SHANK2: variants seen among roughly 807,000 people sequenced by gnomAD.
SHANK2 encodes the protein SH3 and multiple ankyrin repeat domains protein 2.
SHANK2 carries 43 observed loss-of-function variants against 133.7 expected under a neutral mutation model. The ratio of observed to expected loss-of-function variants is 0.32; its 90% CI spans 0.25 to 0.41. The LOEUF (loss-of-function observed/expected upper bound fraction) is 0.41. SHANK2 is among the 10% of genes least tolerant of loss of function. The probability of loss-of-function intolerance (pLI) is 1.00; values close to 1 mark genes in which losing one functional copy is unlikely to be tolerated. For synonymous variants in SHANK2, 1,017 were observed against 952.8 expected (o/e 1.07, Z -1.24); for missense variants, 1,994 against 2,235.8 (o/e 0.89, Z 2.18).
chr11:70,900,295 A>G (rs1950004913), intron 10 of SHANK2, among the ~76,000 whole-genome samples: 1 of 152,104 alleles, frequency 6.6e-6, no homozygotes, highest in East Asian at 1.9e-4. Context: ...TGGAGACTGC[A>G]GTGAGCCAAG....
At chr11:70,795,836 G>A (rs1255732071) in intron 14 of SHANK2, among the ~76,000 whole-genome samples, 1 of 152,234 alleles carries the variant, frequency 6.6e-6, no homozygotes, top group Non-Finnish European at 1.5e-5. Flanking sequence ...AGCCAAGGAT[G>A]TCGGAAAGGC....
intron 17 of SHANK2, chr11:70,604,587 G>A (rs185992176): frequency 2.0e-5 from 3 of 152,370 alleles, no homozygotes; most frequent in Admixed American, 1.3e-4. Flanking sequence ...TTGCTGTGTA[G>A]AGACAATGAG....
At chr11:70,585,639 C>T (rs1565153005) in intron 17 of SHANK2, among the ~76,000 whole-genome samples, 1 of 151,954 alleles carries the variant, frequency 6.6e-6, no homozygotes, top group South Asian at 2.1e-4. Context: ...ATGTATCCAT[C>T]TACCCATCTA....
In SHANK2 at chr11:70,485,549, G is replaced by C. The variant is rs782217541; in HGVS notation, c.4744C>G (p.Pro1582Ala). The change falls in exon 25 of 26, where the codon CCC (proline) becomes GCC (alanine). Residue 1582 changes from proline (P) to alanine (A), a missense_variant. Pro to Ala is a conservative substitution (Grantham distance 27, BLOSUM62 -1). Around this residue, in one of 5 missense-constraint regions of SHANK2, gnomAD observed 797 missense variants for 907.4 expected, o/e 0.88. Transcript: ENST00000601538. This position sits in a 1 kb window ranked among gnomAD's most constrained non-coding sequence, Gnocchi z 5.8. Reference sequence around the variant, plus strand: ...TGGGCACTGCCCGGCGGGGGCGGGGGAGCGGGCGGGGGGATAACAAAGCTA... The same window carrying C: ...TGGGCACTGCCCGGCGGGGGCGGGGCAGCGGGCGGGGGGATAACAAAGCTA... The part of the protein sequence containing the change: ...VDSFVIPPPA[P>A]PPPPGSAQPG... 1.9e-6 allele frequency: 3 copies of C among 1,612,862 alleles called. No individual in the cohort carries two copies. The highest frequency in any genetic ancestry group is 2.5e-6 in the Non-Finnish European group (3 of 1,179,986).
chr11:70,765,715 G>C (rs1217195678), intron 14 of SHANK2, among the ~76,000 whole-genome samples: 2 of 152,172 alleles, frequency 1.3e-5, no homozygotes, highest in East Asian at 1.9e-4. Context: ...GAGAGACCCA[G>C]GGTGGCTGGT....
chr11:71,068,841 C>A (rs1370450492), intron 9 of SHANK2, among the ~76,000 whole-genome samples: 2 of 152,134 alleles, frequency 1.3e-5, no homozygotes, highest in African/African-American at 4.8e-5. Flanking sequence ...TCAGCACCAT[C>A]GCTGTCACCA....
intron 2 of SHANK2, among the ~76,000 whole-genome samples, chr11:71,187,455 T>C (rs1421192760): frequency 2.0e-5 from 3 of 152,138 alleles, no homozygotes; most frequent in Non-Finnish European, 4.4e-5. Flanking sequence ...TCGTGTTTTA[T>C]TCAGGACACT....
At chr11:70,716,982 A>G (rs1166183573) in intron 14 of SHANK2, among the ~76,000 whole-genome samples, 1 of 148,052 alleles carries the variant, frequency 6.8e-6, no homozygotes, top group African/African-American at 2.5e-5. Context: ...AGTTGGTGAG[A>G]AGCTACTGGA....
chr11:70,745,670 T>A (rs1555035861), intron 14 of SHANK2, among the ~76,000 whole-genome samples: 1 of 152,154 alleles, frequency 6.6e-6, no homozygotes, highest in African/African-American at 2.4e-5. Flanking sequence ...TGGGTAGAGC[T>A]GCTTGGAGCT....
intron 11 of SHANK2, among the ~76,000 whole-genome samples, chr11:70,821,877 G>A (rs1214959118): frequency 6.6e-6 from 1 of 152,202 alleles, no homozygotes; most frequent in African/African-American, 2.4e-5. Flanking sequence ...TGAGGAAGCA[G>A]GGGCTGGGCA....
chr11:70,684,023 A>T (rs1294869663), intron 15 of SHANK2, among the ~76,000 whole-genome samples: 1 of 151,942 alleles, frequency 6.6e-6, no homozygotes, highest in Non-Finnish European at 1.5e-5. Flanking sequence ...GCCTCAAGTG[A>T]TCCACCTGCC....
chr11:70,500,426 G>T lies in SHANK2; in HGVS notation c.2308+144C>A. On this transcript the variant is annotated intron_variant, in intron 21 of 25. Transcript: ENST00000601538. This position sits in a 1 kb window ranked among gnomAD's most constrained non-coding sequence, Gnocchi z 4.5. Reference sequence around the variant, plus strand: ...AGACAGATGAATGTGCTCCAGGGCGGCAGGGCTCCTCGGGCAGGACCCAGC... The same window carrying T: ...AGACAGATGAATGTGCTCCAGGGCGTCAGGGCTCCTCGGGCAGGACCCAGC... The T allele has an allele frequency of 9.4e-7, 1 of 1,060,680 alleles. No homozygotes were observed. Among genetic ancestry groups the T allele is most frequent in the Non-Finnish European group, 1.4e-6 (1 of 707,184 alleles). 65.7% of individuals were successfully genotyped at this position (1,060,680 alleles called of 1,614,324 possible).
chr11:71,241,496 C>A (rs2135808353), intron 1 of SHANK2, among the ~76,000 whole-genome samples: 1 of 152,296 alleles, frequency 6.6e-6, no homozygotes, highest in African/African-American at 2.4e-5. Flanking sequence ...TGACCCATTG[C>A]ACAATCAGCC....
At chr11:70,851,651 C>T (rs1302157219) in intron 11 of SHANK2, among the ~76,000 whole-genome samples, 4 of 152,194 alleles carry the variant, frequency 2.6e-5, no homozygotes. Flanking sequence ...TATGGACCAC[C>T]TAGCTGGACT....
chr11:71,108,512 C>T (rs1951835601), intron 6 of SHANK2, among the ~76,000 whole-genome samples: 1 of 152,208 alleles, frequency 6.6e-6, no homozygotes, highest in Admixed American at 6.5e-5. Context: ...CCCCTCTCCC[C>T]TTCTCCAGAT....
chr11:70,795,350 G>A (rs1284921931), intron 14 of SHANK2, among the ~76,000 whole-genome samples: 1 of 151,920 alleles, frequency 6.6e-6, no homozygotes, highest in Admixed American at 6.6e-5. Context: ...GATTAGCAAG[G>A]TGGGCCCATC....
chr11:70,650,646 A>G (rs1555009883), intron 17 of SHANK2, among the ~76,000 whole-genome samples: 1 of 151,824 alleles, frequency 6.6e-6, no homozygotes, highest in Non-Finnish European at 1.5e-5. Flanking sequence ...GCATCTGATC[A>G]CTCCCCAAAT....
At chr11:71,077,613 T>A (rs1454328352) in intron 8 of SHANK2, among the ~76,000 whole-genome samples, 2 of 151,800 alleles carry the variant, frequency 1.3e-5, no homozygotes, top group African/African-American at 4.9e-5. Flanking sequence ...TTTTTTTTTT[T>A]AAGTGTCATT....
chr11:70,509,253 C>T (rs2059170258), intron 17 of SHANK2, among the ~76,000 whole-genome samples: 1 of 152,238 alleles, frequency 6.6e-6, no homozygotes, highest in Non-Finnish European at 1.5e-5. Flanking sequence ...CACTGAGGCT[C>T]ACCTGCCCCT....
Sources: gnomAD v4.1 joint callset for allele counts (sites outside exome capture counted in the v4.1 genomes callset) on GRCh38, gnomAD v4.1.1 for gene constraint, gnomAD v4.1.1 regional missense constraint, Gnocchi (gnomAD v3.1) non-coding constraint, MANE v1.5 for transcripts, NCBI Gene and HGNC (gene_info 2026-07-23, HGNC 2026-07-21) for gene names.